Variants in CSNK1G2 observed in about 807,000 individuals in gnomAD.
CSNK1G2 encodes the protein casein kinase 1 gamma 2, also known as casein kinase I isoform gamma-2.
A neutral mutation model predicts 48.0 loss-of-function variants in CSNK1G2; 11 were observed. That is an observed-to-expected ratio of 0.23 (90% confidence interval 0.14 to 0.38). The LOEUF (loss-of-function observed/expected upper bound fraction) is 0.38. Among genes scored for constraint, CSNK1G2 ranks in the 10% least tolerant of loss-of-function variants. The probability of loss-of-function intolerance (pLI) is 1.00; values close to 1 mark genes in which losing one functional copy is unlikely to be tolerated. For synonymous variants in CSNK1G2, 337 were observed against 254.1 expected (o/e 1.33, Z -3.10); for missense variants, 446 against 595.5 (o/e 0.75, Z 2.61).
At chr19:1,973,806 C>T (rs2015658345) in intron 2 of CSNK1G2, among the ~76,000 whole-genome samples, 1 of 152,086 alleles carries the variant, frequency 6.6e-6, no homozygotes, top group Non-Finnish European at 1.5e-5. Context: ...TCCTTTAAAT[C>T]TTTGAACATG....
rs965973878 is a variant in CSNK1G2 at position 1,957,815 on chromosome 19, G to A, written c.-265-11693G>A. Among the ~76,000 whole-genome samples, 4 of 151,682 alleles carry A rather than the reference G, an allele frequency of 2.6e-5. No homozygotes were observed. The highest frequency in any genetic ancestry group is 1.9e-4 in the East Asian group (1 of 5,162). Reference sequence around the variant, plus strand: ...TGTGGGGGGTATGTGCTCGGCGGGCGCCGTGTTTGTGGGGTGGGAGCTAGG... The same window carrying A: ...TGTGGGGGGTATGTGCTCGGCGGGCACCGTGTTTGTGGGGTGGGAGCTAGG... On this transcript the variant is annotated intron_variant, in intron 1 of 11. Coordinates refer to ENST00000255641, the MANE Select transcript of CSNK1G2 (RefSeq NM_001319.7). The surrounding 1 kb of genome is among the most constrained non-coding windows in gnomAD (Gnocchi z 5.4).
chr19:1,956,471 C>A (rs1254710870), intron 1 of CSNK1G2, among the ~76,000 whole-genome samples: 1 of 152,138 alleles, frequency 6.6e-6, no homozygotes, highest in African/African-American at 2.4e-5. Context: ...GAGCCGAGAT[C>A]CTGCCACTGC....
chr19:1,952,948 C>T, intron 1 of CSNK1G2: 1 of 438,710 alleles, frequency 2.3e-6, no homozygotes. Context: ...GGGATGTCGC[C>T]CGGCGGCTCC....
At chr19:1,977,562 G>A (rs1226178592) in intron 2 of CSNK1G2, among the ~76,000 whole-genome samples, 2 of 152,058 alleles carry the variant, frequency 1.3e-5, no homozygotes, top group South Asian at 2.1e-4. Flanking sequence ...AGATCAGCCC[G>A]GGCAACTTGG....
At chr19:1,943,850 A>G (rs1290707676) in intron 1 of CSNK1G2, among the ~76,000 whole-genome samples, 1 of 152,194 alleles carries the variant, frequency 6.6e-6, no homozygotes, top group African/African-American at 2.4e-5. Flanking sequence ...CCAGGGGCTC[A>G]TGGTCCGTCA....
intron 1 of CSNK1G2, among the ~76,000 whole-genome samples, chr19:1,966,759 G>C (rs1041972079): frequency 6.6e-6 from 1 of 152,128 alleles, no homozygotes; most frequent in African/African-American, 2.4e-5. Context: ...AGCAGCCACC[G>C]CCCCAACGAG....
At chr19:1,949,862 G>A (rs1026902518) in intron 1 of CSNK1G2, among the ~76,000 whole-genome samples, 2 of 152,222 alleles carry the variant, frequency 1.3e-5, no homozygotes, top group African/African-American at 2.4e-5. Context: ...TCCCCATGCC[G>A]TCTAGAAAGC....
chr19:1,979,703 T>C (rs780659746), intron 9 of CSNK1G2, 49 bp from the exon 10 acceptor site: 1 of 1,601,944 alleles, frequency 6.2e-7, no homozygotes, highest in Non-Finnish European at 8.5e-7. Context: ...CTGAGGGAGA[T>C]GGGAACCGGC....
Position 1,957,382 on chromosome 19 carries a change from A to G in CSNK1G2, c.-265-12126A>G, listed in dbSNP as rs1045524627. ...GGAGCCGGGGGAGAGATGTCCCGGG[A>G]TGCACCAGGCGCTCGTGCAAACCAA... On this transcript the variant is annotated intron_variant, in intron 1 of 11. Coordinates refer to ENST00000255641, the MANE Select transcript of CSNK1G2 (RefSeq NM_001319.7). This position sits in a 1 kb window ranked among gnomAD's most constrained non-coding sequence, Gnocchi z 5.4. 6.6e-6 allele frequency among the ~76,000 whole-genome samples: 1 copy of G among 152,184 alleles called. No individual in the cohort carries two copies. The highest frequency in any genetic ancestry group is 1.9e-4 in the East Asian group (1 of 5,180).
chr19:1,950,924 C>T (rs968044339), intron 1 of CSNK1G2, among the ~76,000 whole-genome samples: 4 of 146,010 alleles, frequency 2.7e-5, no homozygotes, highest in African/African-American at 7.9e-5. Flanking sequence ...GGCGTTTATT[C>T]GCCTTGGTGC....
chr19:1,950,054 C>T (rs912046951), intron 1 of CSNK1G2, among the ~76,000 whole-genome samples: 2 of 152,212 alleles, frequency 1.3e-5, no homozygotes, highest in African/African-American at 4.8e-5. Flanking sequence ...AGGCCCCAGC[C>T]CCACAGGATC....
intron 2 of CSNK1G2, among the ~76,000 whole-genome samples, chr19:1,977,892 C>G (rs2015813767): frequency 6.6e-6 from 1 of 152,168 alleles, no homozygotes; most frequent in Non-Finnish European, 1.5e-5. Flanking sequence ...GCCACAGGTC[C>G]CTGTCCATCT....
At chr19:1,977,954 C>G (rs899638003) in intron 2 of CSNK1G2, among the ~76,000 whole-genome samples, 2 of 151,106 alleles carry the variant, frequency 1.3e-5, no homozygotes, top group African/African-American at 4.8e-5. Flanking sequence ...GGAGATTTGT[C>G]TTTGAGAAAG....
rs1375892792 is a variant in CSNK1G2 at position 1,950,951 on chromosome 19, G to C, written c.-266+9533G>C. 1.4e-5 allele frequency among the ~76,000 whole-genome samples: 2 copies of C among 146,238 alleles called. 1 individual carries two copies. Among genetic ancestry groups the C allele is most frequent in the East Asian group, 4.2e-4 (2 of 4,798 alleles). ...CCTTGGTGCCCCCCTAGATCCCTGG[G>C]TGATCCCCGTGCCCAGTTTTCAGGG... On this transcript the variant is annotated intron_variant, in intron 1 of 11. Transcript: ENST00000255641.
rs113421821 is a variant in CSNK1G2, at chr19:1,959,641, G to C, written c.-265-9867G>C. Among the ~76,000 whole-genome samples the C allele has an allele frequency of 8.2e-3, 254 of 31,148 alleles. 5 individuals are homozygous for C. The highest frequency in any genetic ancestry group is 0.045 in the African/African-American group (117 of 2,620). 20.4% of individuals were successfully genotyped at this position (31,148 alleles called of 152,430 possible). On this transcript the variant is annotated intron_variant, in intron 1 of 11. Transcript: ENST00000255641. ...CACCCGTGCCACCTTTAGTGCCACC[G>C]TGGGTCCCCCAGCACCCGCCCCACC... is the stretch of plus-strand genomic sequence containing the variant.
At chr19:1,977,053 C>G (rs942382839) in intron 2 of CSNK1G2, among the ~76,000 whole-genome samples, 13 of 152,334 alleles carry the variant, frequency 8.5e-5, no homozygotes, top group Admixed American at 8.5e-4. Flanking sequence ...AGGCCTCATT[C>G]TGCAGCGTAT....
intron 1 of CSNK1G2, among the ~76,000 whole-genome samples, chr19:1,946,454 G>T (rs1438295934): frequency 2.0e-5 from 3 of 150,536 alleles, no homozygotes; most frequent in African/African-American, 7.3e-5. Context: ...ACCACGCCTG[G>T]CTAGTTTTTT....
At chr19:1,953,453 T>C (rs1217308443) in intron 1 of CSNK1G2, 3 of 534,442 alleles carry the variant, frequency 5.6e-6, no homozygotes, top group Non-Finnish European at 1.2e-5. Flanking sequence ...TTGCTTTTGT[T>C]GATGGCGTCT....
chr19:1,970,535 G>A (rs1333018012), intron 2 of CSNK1G2, among the ~76,000 whole-genome samples: 2 of 152,228 alleles, frequency 1.3e-5, no homozygotes, highest in African/African-American at 2.4e-5. Context: ...GAGCAGGGCC[G>A]AGGACTGAGC....
Sources: gnomAD v4.1 joint callset for allele counts (sites outside exome capture counted in the v4.1 genomes callset) on GRCh38, gnomAD v4.1.1 for gene constraint, Gnocchi (gnomAD v3.1) non-coding constraint, MANE v1.5 for transcripts, NCBI Gene and HGNC (gene_info 2026-07-23, HGNC 2026-07-21) for gene names.